CANT1: variants seen among roughly 807,000 people sequenced by gnomAD.
CANT1 encodes the protein calcium activated nucleotidase 1.
Under a neutral mutation model 30.0 loss-of-function variants are expected in CANT1, and 26 were observed. That is an observed-to-expected ratio of 0.87 (90% CI 0.64 to 1.20). The LOEUF is 1.20. Among genes scored for constraint, CANT1 ranks in the 50% most tolerant of loss-of-function variants. The pLI is 0.00. For missense variants in CANT1, 518 were observed against 563.0 expected, an observed-to-expected ratio of 0.92 and a Z score of 0.81; for synonymous variants, 246 against 251.8, an observed-to-expected ratio of 0.98 and a Z score of 0.22.
In CANT1 at chr17:79,002,124, G is replaced by A. The variant is rs555013288; in HGVS notation, c.-146-4161C>T. ...CCAACATGTGGTCCAACACAAATTC[G>A]TAAACTTTCTTAAAACATGATGAGA... On this transcript the variant is annotated intron_variant, in intron 1 of 4. Transcript: ENST00000392446. The surrounding 1 kb of genome is among the most constrained non-coding windows in gnomAD (Gnocchi z 4.0). 6.6e-5 allele frequency among the ~76,000 whole-genome samples: 10 copies of A among 152,200 alleles called. No homozygotes were observed. In the South Asian group the frequency reaches 8.3e-4, roughly 13 times the overall value.
chr17:79,006,558 C>T (rs1234594857), intron 1 of CANT1, among the ~76,000 whole-genome samples: 1 of 152,198 alleles, frequency 6.6e-6, no homozygotes, highest in Non-Finnish European at 1.5e-5. Flanking sequence ...GGACCAGTCA[C>T]TGTCTATGGT....
At position 78,996,199 on chromosome 17, in the gene CANT1, C is replaced by T. The variant is rs190510791; in HGVS notation, c.631+793G>A. ...TCACCGGGTGTGGGGAGGGCCTGGC[C>T]GGCCATGAACTGTGTGGGCCGTTGT... On this transcript the variant is annotated intron_variant, in intron 3 of 4. Coordinates refer to ENST00000392446, the MANE Select transcript of CANT1 (RefSeq NM_001159773.2). The surrounding 1 kb of genome is among the most constrained non-coding windows in gnomAD (Gnocchi z 5.1). Among the ~76,000 whole-genome samples, 302 of 152,268 alleles carry T rather than the reference C, an allele frequency of 2.0e-3. 1 individual carries two copies. Among genetic ancestry groups the T allele is most frequent in the Middle Eastern group, 0.014 (4 of 294 alleles).
chr17:78,994,657 G>A (rs138383153), intron 4 of CANT1, among the ~76,000 whole-genome samples: 6 of 152,332 alleles, frequency 3.9e-5, no homozygotes, highest in East Asian at 3.9e-4. Flanking sequence ...GCTCGCGCCC[G>A]TAATGCCAGC....
rs142057830 is a variant in CANT1 at position 79,000,838 on chromosome 17, C to T, written c.-146-2875G>A. ...TCCCATGCCGCTCCGGCTCTCCCAC[C>T]GTCCCTGCCTGGCTAGGTGATTATT... On this transcript the variant is annotated intron_variant, in intron 1 of 4. Transcript: ENST00000392446. Among the ~76,000 whole-genome samples the T allele has an allele frequency of 5.5e-3, 836 of 152,332 alleles. 11 individuals carry two copies. Among genetic ancestry groups the T allele is most frequent in the African/African-American group, 0.019 (807 of 41,570 alleles).
At chr17:79,007,594 A>G (rs556638043) in intron 1 of CANT1, among the ~76,000 whole-genome samples, 306 of 152,316 alleles carry the variant, frequency 2.0e-3, no homozygotes, top group Middle Eastern at 6.8e-3. Flanking sequence ...GCACAGGCAC[A>G]CACACCTCGA....
At chr17:78,994,266 C>A (rs555130309) in intron 4 of CANT1, among the ~76,000 whole-genome samples, 1 of 152,134 alleles carries the variant, frequency 6.6e-6, no homozygotes, top group Non-Finnish European at 1.5e-5. Flanking sequence ...GAGGCATCGG[C>A]GGGGAGGCTG....
chr17:78,994,104 A>G (rs1339193375), intron 4 of CANT1, among the ~76,000 whole-genome samples, 184 bp from the exon 5 acceptor site: 1 of 152,114 alleles, frequency 6.6e-6, no homozygotes, highest in Non-Finnish European at 1.5e-5. Flanking sequence ...TATCCCATGC[A>G]GGGAACCTGC....
At chr17:78,994,743 T>A (rs2070969200) in intron 4 of CANT1, among the ~76,000 whole-genome samples, 2 of 152,088 alleles carry the variant, frequency 1.3e-5, no homozygotes, top group Admixed American at 1.3e-4. Flanking sequence ...GGCAACATGG[T>A]GAAACCCTGT....
rs770656698 is a variant in CANT1, at chr17:78,997,632, A to C, written c.-10T>G. 3.2e-6 allele frequency: 5 copies of C among 1,565,274 alleles called. No homozygotes were observed. In the South Asian group the frequency reaches 4.8e-5, roughly 15 times the overall value. On this transcript the variant is annotated 5_prime_UTR_variant, in exon 3 of 5. Coordinates refer to ENST00000392446, the MANE Select transcript of CANT1 (RefSeq NM_001159773.2). The surrounding 1 kb of genome is among the most constrained non-coding windows in gnomAD (Gnocchi z 7.5). Reference sequence around the variant, plus strand: ...ACAGCTGCACGGGCATCAGCGTGACAGACAGGCGGGACCTGCACAGCCAGG... The same window carrying C: ...ACAGCTGCACGGGCATCAGCGTGACCGACAGGCGGGACCTGCACAGCCAGG...
intron 4 of CANT1, among the ~76,000 whole-genome samples, chr17:78,994,403 G>A (rs2070954457): frequency 6.6e-6 from 1 of 152,246 alleles, no homozygotes; most frequent in South Asian, 2.1e-4. Context: ...AGTGCTGCTG[G>A]CCCTATGTTG....
In CANT1 at chr17:78,993,892, C is replaced by A; in HGVS notation, c.864G>T (p.Trp288Cys). 1 of 1,591,326 alleles carries A rather than the reference C, an allele frequency of 6.3e-7. No homozygotes were observed. The highest frequency in any genetic ancestry group is 1.1e-5 in the South Asian group (1 of 89,580). Residue 288 changes from tryptophan (W) to cysteine (C), a missense_variant, in exon 5 of 5, where the codon TGG becomes TGT. This residue lies in a region of CANT1 where 221 missense variants were observed against 211.8 expected (regional missense o/e 1.04). Coordinates refer to ENST00000392446, the MANE Select transcript of CANT1 (RefSeq NM_001159773.2). This position sits in a 1 kb window ranked among gnomAD's most constrained non-coding sequence, Gnocchi z 4.5. ...PGYLIHESAC[W>C]SDTLQRWFFL... Reference sequence around the variant, plus strand: ...AGAACCAGCGCTGCAGCGTGTCACTCCAGCAGGCAGACTCATGGATGAGGT... The same window carrying A: ...AGAACCAGCGCTGCAGCGTGTCACTACAGCAGGCAGACTCATGGATGAGGT...
chr17:78,993,410 TG>T lies in CANT1; in HGVS notation c.*139del. On this transcript the variant is annotated 3_prime_UTR_variant, in exon 5 of 5. Transcript: ENST00000392446. This position sits in a 1 kb window ranked among gnomAD's most constrained non-coding sequence, Gnocchi z 4.5. Reference sequence around the variant, plus strand: ...CGGGGGTCCAGTGCCCGCACCACTATGGGGCCCGGGACTGGGCTCCCTGTCC... The same window carrying T: ...CGGGGGTCCAGTGCCCGCACCACTATGGGCCCGGGACTGGGCTCCCTGTCC... The T allele has an allele frequency of 7.7e-7, 1 of 1,300,824 alleles. No individual in the cohort carries two copies. Among genetic ancestry groups the T allele is most frequent in the Non-Finnish European group, 1.1e-6 (1 of 928,726 alleles). The allele number at this position is 1,300,824 out of a possible 1,614,324, so 80.6% of individuals were successfully genotyped here.
intron 1 of CANT1, among the ~76,000 whole-genome samples, chr17:79,006,877 G>T (rs1341256668): frequency 6.6e-6 from 1 of 152,152 alleles, no homozygotes; most frequent in Non-Finnish European, 1.5e-5. Flanking sequence ...CTTTCCTCCA[G>T]GCTCGGCTCC....
chr17:79,002,846 T>C lies in CANT1; in HGVS notation c.-146-4883A>G, dbSNP rs1157847495. 6.6e-6 allele frequency among the ~76,000 whole-genome samples: 1 copy of C among 152,224 alleles called. No homozygotes were observed. The highest frequency in any genetic ancestry group is 1.5e-5 in the Non-Finnish European group (1 of 68,026). On this transcript the variant is annotated intron_variant, in intron 1 of 4. Transcript: ENST00000392446. The surrounding 1 kb of genome is among the most constrained non-coding windows in gnomAD (Gnocchi z 4.0). ...GAAAGCCTCAGTGGGTTTTTCCCCCTGCACTCCCAGGAGCAGGACCTCTCC... is the reference window on the plus strand; with the variant it reads ...GAAAGCCTCAGTGGGTTTTTCCCCCCGCACTCCCAGGAGCAGGACCTCTCC...
Position 78,993,797 on chromosome 17 carries a change from A to G in CANT1, c.959T>C (p.Leu320Pro), listed in dbSNP as rs1290811668. The G allele has an allele frequency of 1.2e-6, 2 of 1,611,300 alleles. No homozygotes were observed. The highest frequency in any genetic ancestry group is 3.3e-5 in the Admixed American group (2 of 60,002). Residue 320 changes from leucine to proline, a missense_variant, in exon 5 of 5, where the codon CTG (leucine) becomes CCG (proline). Physicochemically the swap from Leu to Pro is moderately conservative, Grantham distance 98. Coordinates refer to ENST00000392446, the MANE Select transcript of CANT1 (RefSeq NM_001159773.2). This position sits in a 1 kb window ranked among gnomAD's most constrained non-coding sequence, Gnocchi z 4.5. The stretch of plus-strand genomic sequence containing the variant: ...GCCGAAGTCAGGGGAGGCGCTCAGC[A>G]GCAGGTTGGCGCCCTTGCGCTCGTC... ...KDDERKGANL[L>P]LSASPDFGDI...
At chr17:79,000,906 C>T (rs931644352) in intron 1 of CANT1, among the ~76,000 whole-genome samples, 1 of 152,218 alleles carries the variant, frequency 6.6e-6, no homozygotes, top group African/African-American at 2.4e-5. Flanking sequence ...ACAGCCCCAG[C>T]ACCTGACGCA....
rs997711387 is a variant in CANT1 at position 78,993,181 on chromosome 17, C to T, written c.*369G>A. On this transcript the variant is annotated 3_prime_UTR_variant, in exon 5 of 5. Transcript: ENST00000392446. The surrounding 1 kb of genome is among the most constrained non-coding windows in gnomAD (Gnocchi z 4.5). ...GTCCACCTCATGCTCACTGCGTTCT[C>T]AGGGTGAGGCATAGGGCCTGACATA... The T allele has an allele frequency of 1.8e-5, 7 of 386,548 alleles. No individual in the cohort carries two copies. Among genetic ancestry groups the T allele is most frequent in the Non-Finnish European group, 3.4e-5 (7 of 208,102 alleles). 23.9% of individuals were successfully genotyped at this position (386,548 alleles called of 1,614,324 possible).
intron 1 of CANT1, among the ~76,000 whole-genome samples, chr17:78,999,875 A>C (rs1272632390): frequency 6.7e-6 from 1 of 150,030 alleles, no homozygotes; most frequent in East Asian, 2.0e-4. Flanking sequence ...CTGGTCTTGA[A>C]CTCCTGACCT....
intron 1 of CANT1, chr17:79,005,882 T>C (rs565262275): frequency 6.6e-6 from 1 of 152,336 alleles, no homozygotes; most frequent in Non-Finnish European, 1.5e-5. Flanking sequence ...CACTTATTAA[T>C]GCCTGCTATG....
Sources: allele counts gnomAD v4.1 joint callset (sites outside exome capture counted in the v4.1 genomes callset), GRCh38; gene constraint gnomAD v4.1.1; regional missense constraint gnomAD v4.1.1; non-coding constraint Gnocchi (gnomAD v3.1); transcripts MANE v1.5; gene names NCBI Gene and HGNC (gene_info 2026-07-23, HGNC 2026-07-21).